Variants in IGFBP7 observed in about 807,000 individuals in gnomAD.
The protein encoded by IGFBP7 is insulin like growth factor binding protein 7.
IGFBP7 carries 31 observed loss-of-function variants against 29.4 expected under a neutral mutation model. That is an observed-to-expected ratio of 1.05 (90% confidence interval 0.79 to 1.42). The LOEUF is 1.42. IGFBP7 is among the 40% of genes most tolerant of loss of function. The probability of loss-of-function intolerance (pLI) is 0.00; values close to 1 mark genes in which losing one functional copy is unlikely to be tolerated. For synonymous variants in IGFBP7, 172 were observed against 174.9 expected, an observed-to-expected ratio of 0.98 and a Z score of 0.13; for missense variants, 393 against 395.5, an observed-to-expected ratio of 0.99 and a Z score of 0.05.
intron 1 of IGFBP7, among the ~76,000 whole-genome samples, chr4:57,102,190 A>G (rs1293211483): frequency 1.3e-5 from 2 of 151,952 alleles, no homozygotes; most frequent in East Asian, 1.9e-4. Flanking sequence ...CTGGCCTTGG[A>G]CTCCATCCAA....
chr4:57,040,128 G>A (rs11573114), intron 2 of IGFBP7, among the ~76,000 whole-genome samples: 7,743 of 151,842 alleles, frequency 0.051, 265 homozygotes, highest in East Asian at 0.16. Context: ...CTAACTTATG[G>A]TTCTACAGCC....
chr4:57,049,605 T>C (rs537793823), intron 1 of IGFBP7, among the ~76,000 whole-genome samples: 65 of 152,330 alleles, frequency 4.3e-4, no homozygotes, highest in Non-Finnish European at 7.8e-4. Flanking sequence ...TTTTGCGGCC[T>C]GACAGCTTCA....
At chr4:57,051,908 A>G (rs1000707724) in intron 1 of IGFBP7, among the ~76,000 whole-genome samples, 7 of 152,170 alleles carry the variant, frequency 4.6e-5, no homozygotes, top group African/African-American at 1.7e-4. Flanking sequence ...AGGAAGGTGA[A>G]AGACAGGGAC....
chr4:57,108,110 C>T (rs1726080334), intron 1 of IGFBP7, among the ~76,000 whole-genome samples: 1 of 152,106 alleles, frequency 6.6e-6, no homozygotes, highest in Non-Finnish European at 1.5e-5. Context: ...CAAATGAGAT[C>T]CAAAGTAACA....
chr4:57,084,981 G>T (rs753530181), intron 1 of IGFBP7, among the ~76,000 whole-genome samples: 1 of 151,640 alleles, frequency 6.6e-6, no homozygotes, highest in Non-Finnish European at 1.5e-5. Flanking sequence ...TGGATACAGG[G>T]TCTCACTATG....
In IGFBP7 at chr4:57,031,063, CA is replaced by C; in HGVS notation, c.*253del. 1 of 913,310 alleles carries C rather than the reference CA, an allele frequency of 1.1e-6. No individual in the cohort carries two copies. The highest frequency in any genetic ancestry group is 1.8e-6 in the Non-Finnish European group (1 of 545,978). 56.6% of individuals were successfully genotyped at this position (913,310 alleles called of 1,614,324 possible). On this transcript the variant is annotated 3_prime_UTR_variant, in exon 5 of 5. Transcript: ENST00000295666. Reference sequence around the variant, plus strand: ...CTATTGTGTGGCTTTTTAAAAATGACAAATATGTACTGTGTTGTGATAAAAA... The same window carrying C: ...CTATTGTGTGGCTTTTTAAAAATGACAATATGTACTGTGTTGTGATAAAAA...
chr4:57,071,204 T>G (rs944616224), intron 1 of IGFBP7, among the ~76,000 whole-genome samples: 20 of 152,022 alleles, frequency 1.3e-4, no homozygotes, highest in African/African-American at 4.1e-4. Flanking sequence ...TTTGATATAT[T>G]GGGGGGGAAT....
At chr4:57,100,582 A>T (rs1394260464) in intron 1 of IGFBP7, among the ~76,000 whole-genome samples, 1 of 152,244 alleles carries the variant, frequency 6.6e-6, no homozygotes, top group African/African-American at 2.4e-5. Context: ...TGCGAATGAA[A>T]GAGCTCTTTT....
intron 1 of IGFBP7, among the ~76,000 whole-genome samples, chr4:57,082,941 T>C (rs79481542): frequency 0.02 from 3,111 of 152,250 alleles, 100 homozygotes; most frequent in African/African-American, 0.071. Context: ...AACTGCCTTT[T>C]TTTCAGTGAA....
chr4:57,080,936 C>T (rs1004829476), intron 1 of IGFBP7, among the ~76,000 whole-genome samples: 2 of 152,164 alleles, frequency 1.3e-5, no homozygotes, highest in African/African-American at 2.4e-5. Context: ...TGTTGGCTTC[C>T]GCTCATCAAT....
rs1349717815 is a variant in IGFBP7 at position 57,082,720 on chromosome 4, C to T, written c.475+27157G>A. 3.9e-5 allele frequency among the ~76,000 whole-genome samples: 6 copies of T among 152,090 alleles called. 1 individual carries two copies. In the South Asian group the frequency reaches 1.0e-3, roughly 26 times the overall value. On this transcript the variant is annotated intron_variant, in intron 1 of 4. Coordinates refer to ENST00000295666, the MANE Select transcript of IGFBP7 (RefSeq NM_001553.3). Reference sequence around the variant, plus strand: ...TTTACCTCCTGATAATCCTAACCCCCCAACAACTTATATAAACTGTTTATA... The same window carrying T: ...TTTACCTCCTGATAATCCTAACCCCTCAACAACTTATATAAACTGTTTATA...
intron 1 of IGFBP7, among the ~76,000 whole-genome samples, chr4:57,094,541 T>C (rs1003624676): frequency 1.3e-5 from 2 of 152,130 alleles, no homozygotes; most frequent in African/African-American, 4.8e-5. Flanking sequence ...CTCACTAACA[T>C]CTTGTAGGAG....
In IGFBP7 at chr4:57,109,688, G is replaced by T; in HGVS notation, c.475+189C>A. 4 of 651,316 alleles carry T rather than the reference G, an allele frequency of 6.1e-6. No homozygotes were observed. The East Asian group carries it at 1.3e-4, about 21-fold the overall frequency. 40.3% of individuals were successfully genotyped at this position (651,316 alleles called of 1,614,324 possible). A position where few individuals can be genotyped will look rare whatever the true frequency, so the allele number is the denominator to read the frequency against. On this transcript the variant is annotated intron_variant, in intron 1 of 4. Transcript: ENST00000295666. ...AAAATAAAACCACCAAAAAGGAGAA[G>T]GGGGGGCGTCGCCCACCGCTCCTGG...
Position 57,077,558 on chromosome 4 carries a change from G to A in IGFBP7, c.475+32319C>T, listed in dbSNP as rs186440388. On this transcript the variant is annotated intron_variant, in intron 1 of 4. Coordinates refer to ENST00000295666, the MANE Select transcript of IGFBP7 (RefSeq NM_001553.3). ...ATCCCAAAGTGCTAGGGTTACAGTC[G>A]TGAGCCACCACAGCTGACCAAAAGA... 4.8e-4 allele frequency among the ~76,000 whole-genome samples: 73 copies of A among 152,284 alleles called. 2 individuals carry two copies. In the East Asian group the frequency reaches 7.7e-3, roughly 16 times the overall value.
intron 1 of IGFBP7, among the ~76,000 whole-genome samples, chr4:57,054,496 A>G (rs1417888163): frequency 6.6e-6 from 1 of 151,842 alleles, no homozygotes; most frequent in Non-Finnish European, 1.5e-5. Context: ...TAGTCAGGCT[A>G]ATTTTGGTAG....
chr4:57,089,027 G>A, intron 1 of IGFBP7, among the ~76,000 whole-genome samples: 1 of 97,254 alleles, frequency 1.0e-5, no homozygotes, highest in Admixed American at 1.7e-4. Context: ...GTGAGACTCT[G>A]TCTCAAAAAA....
chr4:57,084,116 TAA>T (rs1282608284), intron 1 of IGFBP7, among the ~76,000 whole-genome samples: 1 of 152,206 alleles, frequency 6.6e-6, no homozygotes, highest in Non-Finnish European at 1.5e-5. Context: ...AACTAAAAAA[TAA>T]AGACTGGATA....
At chr4:57,098,517 A>C (rs1468834749) in intron 1 of IGFBP7, among the ~76,000 whole-genome samples, 1 of 152,120 alleles carries the variant, frequency 6.6e-6, no homozygotes, top group Non-Finnish European at 1.5e-5. Flanking sequence ...AGCAGTGCAG[A>C]AAGAGTCAAG....
chr4:57,076,173 C>A (rs1225971008), intron 1 of IGFBP7, among the ~76,000 whole-genome samples: 1 of 151,820 alleles, frequency 6.6e-6, no homozygotes, highest in Non-Finnish European at 1.5e-5. Flanking sequence ...AAAGAGAGAT[C>A]ATCTTTCTTT....
Sources: gnomAD v4.1 joint callset for allele counts (sites outside exome capture counted in the v4.1 genomes callset) on GRCh38, gnomAD v4.1.1 for gene constraint, MANE v1.5 for transcripts, NCBI Gene and HGNC (gene_info 2026-07-23, HGNC 2026-07-21) for gene names.